The following BABAM2 variants were observed in gnomAD, a reference collection of about 807,000 sequenced individuals.
BABAM2 encodes BRISC and BRCA1 A complex member 2, also known as BRISC and BRCA1-A complex member 2.
Under a neutral mutation model 54.7 loss-of-function variants are expected in BABAM2, and 31 were observed. The observed-to-expected ratio is 0.57, with a 90% CI of 0.43 to 0.77. The LOEUF is 0.77. BABAM2 is among the 30% of genes least tolerant of loss of function. The pLI is 0.00. For missense variants in BABAM2, 364 were observed against 455.8 expected (o/e 0.80, Z 1.83); for synonymous variants, 167 against 162.9 (o/e 1.03, Z -0.19).
In BABAM2 at chr2:28,263,982, C is replaced by T. The variant is rs1054041450; in HGVS notation, c.934+19120C>T. ...GTGAAGATAATTGCCAAAAGGAATC[C>T]GTCAGTGTGATTGAGGCCAGAGAAC... On this transcript the variant is annotated intron_variant, in intron 10 of 11. Coordinates refer to ENST00000379624, the MANE Select transcript of BABAM2 (RefSeq NM_199191.3). Among the ~76,000 whole-genome samples the T allele has an allele frequency of 7.2e-5, 11 of 152,324 alleles. No homozygotes were observed. The South Asian group carries it at 1.4e-3, about 20-fold the overall frequency.
Position 28,164,141 on chromosome 2 carries a change from G to A in BABAM2, c.680+34761G>A, listed in dbSNP as rs191627478. ...AAAGACAGTGCTAATCCCCATAAAC[G>A]TGTGGTGTCTGGTCACTTCTGTGCA... is the stretch of plus-strand genomic sequence containing the variant. On this transcript the variant is annotated intron_variant, in intron 7 of 11. Coordinates refer to ENST00000379624, the MANE Select transcript of BABAM2 (RefSeq NM_199191.3). 2.4e-4 allele frequency among the ~76,000 whole-genome samples: 37 copies of A among 152,302 alleles called. No homozygotes were observed. In the East Asian group the frequency reaches 3.7e-3, roughly 15 times the overall value.
At chr2:28,022,117 A>G (rs1005048359) in intron 4 of BABAM2, among the ~76,000 whole-genome samples, 2 of 152,146 alleles carry the variant, frequency 1.3e-5, no homozygotes, top group Admixed American at 6.5e-5. Context: ...ATGGGAGCAC[A>G]TAGGTACGTG....
intron 7 of BABAM2, among the ~76,000 whole-genome samples, chr2:28,178,980 A>G (rs1465957771): frequency 6.6e-6 from 1 of 152,170 alleles, no homozygotes; most frequent in African/African-American, 2.4e-5. Context: ...ATGAACTACA[A>G]GATTGAATCC....
At chr2:28,239,667 C>G (rs1416082800) in intron 8 of BABAM2, among the ~76,000 whole-genome samples, 2 of 152,026 alleles carry the variant, frequency 1.3e-5, no homozygotes, top group Admixed American at 1.3e-4. Flanking sequence ...CCAAATAACC[C>G]CATTTGATGA....
intron 11 of BABAM2, among the ~76,000 whole-genome samples, chr2:28,335,220 A>C (rs1161578675): frequency 1.6e-5 from 2 of 126,962 alleles, no homozygotes; most frequent in African/African-American, 6.2e-5. Flanking sequence ...CTGGAGTGCC[A>C]TGGTGCGGAC....
At chr2:28,244,566 T>C (rs936273528) in intron 9 of BABAM2, among the ~76,000 whole-genome samples, 13 of 152,078 alleles carry the variant, frequency 8.5e-5, no homozygotes, top group African/African-American at 3.1e-4. Flanking sequence ...CCTGAGGTCA[T>C]AGTAGATAGT....
At chr2:27,889,471 T>G (rs188889891), upstream of BABAM2, among the ~76,000 whole-genome samples, 1 of 152,290 alleles carries the variant, frequency 6.6e-6, no homozygotes, top group East Asian at 1.9e-4. Context: ...ATATCTGAAT[T>G]TATTACTAAT....
At chr2:28,065,230 C>G (rs1435735496) in intron 6 of BABAM2, among the ~76,000 whole-genome samples, 1 of 152,182 alleles carries the variant, frequency 6.6e-6, no homozygotes, top group Non-Finnish European at 1.5e-5. Context: ...ACTATCACCT[C>G]TTCTCACTTG....
At chr2:28,206,667 C>T (rs955615646) in intron 7 of BABAM2, among the ~76,000 whole-genome samples, 5 of 152,110 alleles carry the variant, frequency 3.3e-5, no homozygotes, top group Non-Finnish European at 5.9e-5. Flanking sequence ...ATCTGTTTGT[C>T]GCCTATCTTC....
intron 6 of BABAM2, among the ~76,000 whole-genome samples, chr2:28,098,161 A>G (rs1424723908): frequency 1.3e-5 from 2 of 152,110 alleles, no homozygotes; most frequent in African/African-American, 4.8e-5. Flanking sequence ...TCTTTACTAT[A>G]TTTAGTTTTC....
chr2:28,139,319 CT>C lies in BABAM2; in HGVS notation c.680+9940del, dbSNP rs1341265785. ...CTGGGCGACAAGAGTGAAACTCCGT[CT>C]CAAAAAAAAAAAAAAAAAAAAAAAA... On this transcript the variant is annotated intron_variant, in intron 7 of 11. Transcript: ENST00000379624. Among the ~76,000 whole-genome samples, 11 of 70,170 alleles carry C rather than the reference CT, an allele frequency of 1.6e-4. No individual in the cohort carries two copies. The East Asian group carries it at 2.9e-3, about 19-fold the overall frequency. The allele number at this position is 70,170 out of a possible 152,430, so 46.0% of individuals were successfully genotyped here. A position where few individuals can be genotyped will look rare whatever the true frequency, so the allele number is the denominator to read the frequency against.
chr2:28,136,691 T>C (rs1281403678), intron 7 of BABAM2, among the ~76,000 whole-genome samples: 1 of 152,176 alleles, frequency 6.6e-6, no homozygotes, highest in Non-Finnish European at 1.5e-5. Flanking sequence ...CTGTGACCTA[T>C]GTGACCTAAT....
intron 6 of BABAM2, among the ~76,000 whole-genome samples, chr2:28,049,164 TAGTA>T (rs1192581886): frequency 2.0e-5 from 3 of 152,210 alleles, no homozygotes; most frequent in Non-Finnish European, 4.4e-5. Flanking sequence ...TCACTTAAAA[TAGTA>T]AGCCAGTTTT....
intron 2 of BABAM2, among the ~76,000 whole-genome samples, chr2:27,895,789 C>A (rs1476861642): frequency 4.6e-5 from 7 of 152,072 alleles, no homozygotes; most frequent in Non-Finnish European, 5.9e-5. Context: ...TTTCTCATTC[C>A]TCCCCGTTTA....
At chr2:28,313,952 A>T (rs1234542713) in intron 11 of BABAM2, among the ~76,000 whole-genome samples, 1 of 152,218 alleles carries the variant, frequency 6.6e-6, no homozygotes, top group Non-Finnish European at 1.5e-5. Flanking sequence ...AGTTCTTCTA[A>T]CAATCAAAAT....
At position 27,959,337 on chromosome 2, in the gene BABAM2, T is replaced by G. The variant is rs545808814; in HGVS notation, c.206-28656T>G. Among the ~76,000 whole-genome samples the G allele has an allele frequency of 3.3e-5, 5 of 152,338 alleles. No individual in the cohort carries two copies. The South Asian group carries it at 1.0e-3, about 32-fold the overall frequency. On this transcript the variant is annotated intron_variant, in intron 3 of 11. Coordinates refer to ENST00000379624, the MANE Select transcript of BABAM2 (RefSeq NM_199191.3). ...TAATTAATTGTTGGAATCTTTTAATTAATGTTTCATGAAGAGAGATGCTGG... is the reference window on the plus strand; with the variant it reads ...TAATTAATTGTTGGAATCTTTTAATGAATGTTTCATGAAGAGAGATGCTGG...
chr2:27,994,439 A>G (rs1388782533), intron 4 of BABAM2, among the ~76,000 whole-genome samples: 1 of 152,232 alleles, frequency 6.6e-6, no homozygotes, highest in Admixed American at 6.5e-5. Flanking sequence ...TGATATTTCC[A>G]ACATCCAGAA....
chr2:28,219,065 T>A (rs1241443974), intron 7 of BABAM2, among the ~76,000 whole-genome samples: 1 of 152,234 alleles, frequency 6.6e-6, no homozygotes, highest in African/African-American at 2.4e-5. Flanking sequence ...CCATGCCAAT[T>A]GATTATCTTA....
intron 7 of BABAM2, among the ~76,000 whole-genome samples, chr2:28,227,898 T>C (rs1293852787): frequency 6.6e-6 from 1 of 152,196 alleles, no homozygotes; most frequent in Non-Finnish European, 1.5e-5. Context: ...TCTGGGTATC[T>C]GAGTTTTTAA....
Sources: allele counts gnomAD v4.1 joint callset (sites outside exome capture counted in the v4.1 genomes callset), GRCh38; gene constraint gnomAD v4.1.1; transcripts MANE v1.5; gene names NCBI Gene and HGNC (gene_info 2026-07-23, HGNC 2026-07-21).